KCNMA1: variants seen among roughly 807,000 people sequenced by gnomAD.
KCNMA1 encodes potassium calcium-activated channel subfamily M alpha 1.
In KCNMA1, 29 loss-of-function variants were observed where a neutral mutation model predicts 140.0. That is an observed-to-expected ratio of 0.21 (90% CI 0.15 to 0.28). The LOEUF is 0.28. Among genes scored for constraint, KCNMA1 ranks in the 10% least tolerant of loss-of-function variants. The pLI, the probability that KCNMA1 is intolerant of heterozygous loss-of-function variation, is 1.00. For synonymous variants in KCNMA1, 612 were observed against 611.9 expected (o/e 1.00, Z 0.00); for missense variants, 880 against 1,602.2 (o/e 0.55, Z 7.70).
At chr10:77,014,330 G>T (rs1402416965) in intron 17 of KCNMA1, among the ~76,000 whole-genome samples, 1 of 152,004 alleles carries the variant, frequency 6.6e-6, no homozygotes, top group Non-Finnish European at 1.5e-5. Context: ...GGAGGCTGAG[G>T]CAGGAGAATC....
chr10:77,393,172 A>C (rs2095896050), intron 2 of KCNMA1, among the ~76,000 whole-genome samples: 1 of 152,194 alleles, frequency 6.6e-6, no homozygotes, highest in Non-Finnish European at 1.5e-5. Context: ...ATCTGGATGG[A>C]TCCAAACCAG....
At chr10:77,513,918 T>G (rs1360501185) in intron 1 of KCNMA1, among the ~76,000 whole-genome samples, 1 of 152,196 alleles carries the variant, frequency 6.6e-6, no homozygotes, top group Non-Finnish European at 1.5e-5. Flanking sequence ...CCTCCCCTCC[T>G]GCATCTGGGC....
At chr10:77,003,009 T>A (rs939329125) in intron 18 of KCNMA1, among the ~76,000 whole-genome samples, 16 of 152,322 alleles carry the variant, frequency 1.1e-4, no homozygotes, top group Non-Finnish European at 7.3e-5. Context: ...TCTTTGAATG[T>A]TACAGTCACC....
chr10:77,238,534 C>T (rs2056332952), intron 3 of KCNMA1, among the ~76,000 whole-genome samples: 1 of 152,174 alleles, frequency 6.6e-6, no homozygotes, highest in Non-Finnish European at 1.5e-5. Context: ...AGCCCAGGGC[C>T]TCCCTCCCAG....
At chr10:77,290,782 T>A (rs2072945623) in intron 2 of KCNMA1, among the ~76,000 whole-genome samples, 1 of 152,162 alleles carries the variant, frequency 6.6e-6, no homozygotes, top group Admixed American at 6.5e-5. Context: ...CAGAAAGACT[T>A]AACCAGTACT....
At chr10:77,581,506 C>T (rs961956511) in intron 1 of KCNMA1, among the ~76,000 whole-genome samples, 3 of 152,088 alleles carry the variant, frequency 2.0e-5, no homozygotes, top group Admixed American at 1.3e-4. Context: ...GGGGTTTCAC[C>T]GTGTTAGCCA....
At chr10:77,531,053 C>T (rs1225362016) in intron 1 of KCNMA1, among the ~76,000 whole-genome samples, 1 of 152,138 alleles carries the variant, frequency 6.6e-6, no homozygotes, top group Non-Finnish European at 1.5e-5. Flanking sequence ...ACCTCTTAGG[C>T]CAAACAAAGC....
At chr10:76,948,689 C>A (rs1248647203) in intron 22 of KCNMA1, among the ~76,000 whole-genome samples, 1 of 152,112 alleles carries the variant, frequency 6.6e-6, no homozygotes, top group Non-Finnish European at 1.5e-5. Flanking sequence ...TTCTGTACAG[C>A]AGAAATAAAG....
intron 2 of KCNMA1, among the ~76,000 whole-genome samples, chr10:77,313,202 G>A (rs193206169): frequency 7.5e-4 from 114 of 152,234 alleles, no homozygotes; most frequent in Admixed American, 1.8e-3. Context: ...TTCCTTAAAC[G>A]CTAGCATAAA....
At chr10:77,371,383 G>A (rs982377930) in intron 2 of KCNMA1, among the ~76,000 whole-genome samples, 13 of 152,008 alleles carry the variant, frequency 8.6e-5, no homozygotes, top group East Asian at 3.9e-4. Context: ...CAGCTGCACC[G>A]CCAACAGAGA....
intron 19 of KCNMA1, among the ~76,000 whole-genome samples, chr10:76,999,470 C>T (rs992519164): frequency 1.3e-5 from 2 of 152,170 alleles, no homozygotes; most frequent in African/African-American, 4.8e-5. Context: ...ACTTTCACCA[C>T]CATCAGTCAA....
At chr10:77,527,624 C>G (rs1487481503) in intron 1 of KCNMA1, among the ~76,000 whole-genome samples, 2 of 152,126 alleles carry the variant, frequency 1.3e-5, no homozygotes, top group Non-Finnish European at 2.9e-5. Flanking sequence ...TCTCTCTCTC[C>G]CCAGTTATAA....
intron 2 of KCNMA1, among the ~76,000 whole-genome samples, chr10:77,251,599 C>G (rs12252683): frequency 0.029 from 4,413 of 152,172 alleles, 216 homozygotes; most frequent in East Asian, 0.22. Flanking sequence ...TAGGGTGATA[C>G]AATTTTTAAT....
At chr10:77,002,061 C>T (rs1170900999) in intron 18 of KCNMA1, among the ~76,000 whole-genome samples, 1 of 152,150 alleles carries the variant, frequency 6.6e-6, no homozygotes, top group South Asian at 2.1e-4. Flanking sequence ...TTCTAATTTC[C>T]ATCCATTTCT....
rs558382423 is a variant in KCNMA1, at chr10:77,011,873, T to A, written c.2092+94A>T. On this transcript the variant is annotated intron_variant, in intron 18 of 27. Transcript: ENST00000286628. ...TAAACATACTCAAGAAAACTCTCGA[T>A]GTTTAGTGTTTCTCTAATAAGAAAA... 261 of 1,061,222 alleles carry A rather than the reference T, an allele frequency of 2.5e-4. No individual in the cohort carries two copies. In the African/African-American group the frequency reaches 3.7e-3, roughly 15 times the overall value. The allele number at this position is 1,061,222 out of a possible 1,614,324, so 65.7% of individuals were successfully genotyped here. A position where few individuals can be genotyped will look rare whatever the true frequency, so the allele number is the denominator to read the frequency against.
chr10:77,438,754 C>T (rs2097315741), intron 1 of KCNMA1, among the ~76,000 whole-genome samples: 2 of 152,128 alleles, frequency 1.3e-5, no homozygotes, highest in Non-Finnish European at 2.9e-5. Flanking sequence ...TTCCTTCTCT[C>T]CACAACATTT....
chr10:77,427,304 G>C (rs2097028404), intron 1 of KCNMA1, among the ~76,000 whole-genome samples: 1 of 152,230 alleles, frequency 6.6e-6, no homozygotes, highest in Admixed American at 6.5e-5. Context: ...GAGTGAAGAG[G>C]CTTGCTTTAG....
chr10:77,045,733 T>C (rs539249426), intron 14 of KCNMA1, among the ~76,000 whole-genome samples: 17 of 152,320 alleles, frequency 1.1e-4, no homozygotes, highest in Admixed American at 9.8e-4. Context: ...AGAGTGAAAC[T>C]GTGTTTCTCT....
intron 19 of KCNMA1, among the ~76,000 whole-genome samples, chr10:76,971,455 C>A (rs2076065003): frequency 6.6e-6 from 1 of 152,140 alleles, no homozygotes; most frequent in Admixed American, 6.5e-5. Context: ...TCCAACTACC[C>A]TCCAAACCTG....
Sources: allele counts gnomAD v4.1 joint callset (sites outside exome capture counted in the v4.1 genomes callset), GRCh38; gene constraint gnomAD v4.1.1; transcripts MANE v1.5; gene names NCBI Gene and HGNC (gene_info 2026-07-23, HGNC 2026-07-21).